ITCH: variants seen among roughly 807,000 people sequenced by gnomAD.
ITCH encodes the protein E3 ubiquitin-protein ligase Itchy homolog.
ITCH carries 28 observed loss-of-function variants against 126.8 expected under a neutral mutation model. The ratio of observed to expected loss-of-function variants is 0.22; its 90% CI spans 0.16 to 0.30. ITCH has a LOEUF of 0.30. Among genes scored for constraint, ITCH ranks in the 10% least tolerant of loss-of-function variants. The pLI, the probability that ITCH is intolerant of heterozygous loss-of-function variation, is 1.00. For synonymous variants in ITCH, 342 were observed against 340.0 expected (o/e 1.01, Z -0.06); for missense variants, 631 against 1,032.4 (o/e 0.61, Z 5.33).
chr20:34,447,219 C>T (rs1012035882), intron 11 of ITCH, among the ~76,000 whole-genome samples: 7 of 151,142 alleles, frequency 4.6e-5, no homozygotes, highest in African/African-American at 1.7e-4. Flanking sequence ...ATCATCCTGT[C>T]CCCCCGCCCA....
At chr20:34,504,462 T>A in intron 24 of ITCH, 59 bp downstream of exon 24, 1 of 1,056,190 alleles carries the variant, frequency 9.5e-7, no homozygotes, top group Non-Finnish European at 1.5e-6. Flanking sequence ...TGTAGCTATT[T>A]AAAGCCAGCT....
chr20:34,477,727 T>A (rs1178034860), intron 16 of ITCH, 45 bp from the exon 17 acceptor site: 1 of 1,581,224 alleles, frequency 6.3e-7, no homozygotes, highest in Admixed American at 1.7e-5. Flanking sequence ...TAGACAGTGT[T>A]TCAATAGCTT....
intron 14 of ITCH, among the ~76,000 whole-genome samples, chr20:34,468,139 A>G (rs2146405280): frequency 6.8e-6 from 1 of 147,542 alleles, no homozygotes; most frequent in African/African-American, 2.5e-5. Flanking sequence ...GGTTCACGCC[A>G]TTCTCTTGCC....
chr20:34,486,807 T>G (rs1316961727), intron 20 of ITCH, among the ~76,000 whole-genome samples: 2 of 149,502 alleles, frequency 1.3e-5, no homozygotes, highest in Non-Finnish European at 3.0e-5. Context: ...CAAGCGATCC[T>G]CTAGCCTCAG....
At chr20:34,483,631 T>C (rs1316884415) in intron 20 of ITCH, among the ~76,000 whole-genome samples, 1 of 152,204 alleles carries the variant, frequency 6.6e-6, no homozygotes, top group Non-Finnish European at 1.5e-5. Context: ...TGTCAGCATT[T>C]TGGTCAAAGC....
chr20:34,380,605 C>CTTTTT (rs35848431), intron 2 of ITCH, among the ~76,000 whole-genome samples: 8 of 69,268 alleles, frequency 1.2e-4, no homozygotes, highest in African/African-American at 3.6e-4. Flanking sequence ...TTAATGATGT[C>CTTTTT]TTTTTTTTTT....
chr20:34,414,884 CA>C (rs1029355818), intron 6 of ITCH, among the ~76,000 whole-genome samples: 2 of 152,172 alleles, frequency 1.3e-5, no homozygotes, highest in African/African-American at 4.8e-5. Flanking sequence ...TATCTTTTGA[CA>C]ATACTAATTC....
chr20:34,377,402 A>G (rs2037887868), intron 2 of ITCH, among the ~76,000 whole-genome samples: 1 of 151,868 alleles, frequency 6.6e-6, no homozygotes, highest in African/African-American at 2.4e-5. Context: ...AAGTAGTGTA[A>G]TTGCTCATCA....
intron 2 of ITCH, among the ~76,000 whole-genome samples, chr20:34,370,474 G>T (rs2037580534): frequency 6.6e-6 from 1 of 152,042 alleles, no homozygotes; most frequent in Non-Finnish European, 1.5e-5. Context: ...AACCAGTCTG[G>T]TCAACATGGT....
intron 11 of ITCH, 71 bp downstream of exon 11, chr20:34,445,532 A>G: frequency 6.8e-7 from 1 of 1,475,824 alleles, no homozygotes; most frequent in Non-Finnish European, 9.5e-7. Context: ...TATGTCATGG[A>G]AAGCACTAAA....
intron 20 of ITCH, among the ~76,000 whole-genome samples, chr20:34,487,427 G>C (rs1989208208): frequency 6.6e-6 from 1 of 152,030 alleles, no homozygotes; most frequent in South Asian, 2.1e-4. Flanking sequence ...TATTTGTTTT[G>C]CTATTTGTCT....
intron 3 of ITCH, among the ~76,000 whole-genome samples, chr20:34,406,364 C>G (rs2039058311): frequency 6.6e-6 from 1 of 152,036 alleles, no homozygotes; most frequent in Non-Finnish European, 1.5e-5. Flanking sequence ...TGCAACTCTT[C>G]TTTTTCTTCA....
chr20:34,449,597 C>A, intron 12 of ITCH, 117 bp downstream of exon 12: 2 of 729,064 alleles, frequency 2.7e-6, no homozygotes, highest in South Asian at 1.7e-5. Context: ...GAGTGAATGT[C>A]TGGGAAGTTT....
At chr20:34,426,711 A>G (rs1317997028) in intron 7 of ITCH, among the ~76,000 whole-genome samples, 1 of 151,850 alleles carries the variant, frequency 6.6e-6, no homozygotes, top group Non-Finnish European at 1.5e-5. Flanking sequence ...TTAGCCTCCC[A>G]AAGTGCTGGG....
intron 6 of ITCH, among the ~76,000 whole-genome samples, chr20:34,418,217 G>A (rs902219070): frequency 2.6e-5 from 4 of 151,828 alleles, no homozygotes; most frequent in African/African-American, 7.3e-5. Flanking sequence ...CTCCTGCTTC[G>A]GCCTGCCAAA....
At chr20:34,506,417 TC>T (rs1222356244) in intron 24 of ITCH, among the ~76,000 whole-genome samples, 2 of 152,172 alleles carry the variant, frequency 1.3e-5, no homozygotes, top group African/African-American at 2.4e-5. Context: ...GGTCCCCAAC[TC>T]CTGGTCCCCA....
At chr20:34,457,569 G>T in intron 13 of ITCH, 95 bp downstream of exon 13, 1 of 847,990 alleles carries the variant, frequency 1.2e-6, no homozygotes, top group Non-Finnish European at 2.0e-6. Flanking sequence ...TTTTGCCAAA[G>T]ACCTAAAACG....
chr20:34,384,429 C>T (rs1002131610), intron 2 of ITCH, among the ~76,000 whole-genome samples: 12 of 151,342 alleles, frequency 7.9e-5, no homozygotes, highest in South Asian at 2.1e-4. Flanking sequence ...TACAGGCATG[C>T]GCCACCATGT....
chr20:34,432,442 G>A lies in ITCH; in HGVS notation c.522-6032G>A, dbSNP rs547283532. Among the ~76,000 whole-genome samples, 6 of 152,152 alleles carry A rather than the reference G, an allele frequency of 3.9e-5. No homozygotes were observed. In the South Asian group the frequency reaches 6.2e-4, roughly 16 times the overall value. ...AATTATTCCCTTGTAATAGATAAAT[G>A]TACAAAAAACATATATATAGTTCAT... On this transcript the variant is annotated intron_variant, in intron 7 of 24. Transcript: ENST00000374864.
Sources: allele counts gnomAD v4.1 joint callset (sites outside exome capture counted in the v4.1 genomes callset), GRCh38; gene constraint gnomAD v4.1.1; transcripts MANE v1.5; gene names NCBI Gene and HGNC (gene_info 2026-07-23, HGNC 2026-07-21).